The following CDH4 variants were observed in gnomAD, a reference collection of about 807,000 sequenced individuals.
CDH4 encodes the protein cadherin-4.
In CDH4, 33 loss-of-function variants were observed where a neutral mutation model predicts 86.0. That is an observed-to-expected ratio of 0.38 (90% CI 0.29 to 0.51). The LOEUF (loss-of-function observed/expected upper bound fraction) is 0.51. CDH4 is among the 20% of genes least tolerant of loss of function. The probability of loss-of-function intolerance (pLI) is 0.86; values close to 1 mark genes in which losing one functional copy is unlikely to be tolerated. For synonymous variants in CDH4, 555 were observed against 549.4 expected, an observed-to-expected ratio of 1.01 and a Z score of -0.14; for missense variants, 1,114 against 1,307.4, an observed-to-expected ratio of 0.85 and a Z score of 2.28.
At chr20:61,696,710 A>G (rs1568761599) in intron 2 of CDH4, among the ~76,000 whole-genome samples, 1 of 152,206 alleles carries the variant, frequency 6.6e-6, no homozygotes, top group South Asian at 2.1e-4. Context: ...ACTACCAGGG[A>G]GGTGGCAGAG....
At chr20:61,528,130 C>G (rs2085924210) in intron 2 of CDH4, among the ~76,000 whole-genome samples, 1 of 151,660 alleles carries the variant, frequency 6.6e-6, no homozygotes, top group African/African-American at 2.4e-5. Context: ...AATCCCAGCA[C>G]TTTGGGAGGC....
chr20:61,560,803 C>G (rs897820552), intron 2 of CDH4, among the ~76,000 whole-genome samples: 1 of 152,218 alleles, frequency 6.6e-6, no homozygotes, highest in African/African-American at 2.4e-5. Flanking sequence ...CTCAGTCTGT[C>G]CATCCGGGGA....
intron 3 of CDH4, among the ~76,000 whole-genome samples, chr20:61,762,552 C>T (rs1037052377): frequency 3.9e-5 from 6 of 152,208 alleles, no homozygotes; most frequent in Admixed American, 3.3e-4. Flanking sequence ...AAATATTCTT[C>T]TCTTCCTTGG....
intron 2 of CDH4, among the ~76,000 whole-genome samples, chr20:61,705,227 T>G (rs1313683880): frequency 6.6e-6 from 1 of 152,150 alleles, no homozygotes; most frequent in African/African-American, 2.4e-5. Context: ...CTGAGCTAAC[T>G]CAAGACCCCA....
intron 2 of CDH4, among the ~76,000 whole-genome samples, chr20:61,609,430 G>A (rs986221036): frequency 6.6e-6 from 1 of 151,912 alleles, no homozygotes; most frequent in Non-Finnish European, 1.5e-5. Flanking sequence ...ATCTGCAGAA[G>A]GTTGTTTTTT....
rs1162054920 is a variant in CDH4, at chr20:61,928,192, A to G, written c.1774A>G (p.Ile592Val). ...GGTGACCTGTGTCTGTTCCACAGGG[A>G]TACCCCCGGCCAGCGGCACCGGGAC... ...EATFLAADNG[I>V]PPASGTGTLQ... Residue 592 changes from isoleucine to valine, a missense_variant and splice_region_variant, in exon 12 of 16, where the codon ATA becomes GTA. Ile to Val is a conservative substitution (Grantham distance 29). Around this residue, in one of 3 missense-constraint regions of CDH4, gnomAD observed 705 missense variants for 914.1 expected, o/e 0.77. Coordinates refer to ENST00000614565, the MANE Select transcript of CDH4 (RefSeq NM_001794.5). The G allele has an allele frequency of 6.3e-7, 1 of 1,599,622 alleles. No individual in the cohort carries two copies. The highest frequency in any genetic ancestry group is 8.5e-7 in the Non-Finnish European group (1 of 1,179,562).
intron 2 of CDH4, among the ~76,000 whole-genome samples, chr20:61,288,754 G>A (rs955215748): frequency 2.0e-5 from 3 of 152,224 alleles, no homozygotes; most frequent in Non-Finnish European, 4.4e-5. Context: ...ACGCCTGCCC[G>A]GCGCTGACGT....
intron 6 of CDH4, among the ~76,000 whole-genome samples, chr20:61,853,937 C>T (rs138483187): frequency 8.7e-4 from 133 of 152,268 alleles, no homozygotes; most frequent in African/African-American, 2.9e-3. Context: ...AAGTACAAGA[C>T]ACCAAGTAAA....
At chr20:61,862,356 G>A (rs766843519) in intron 6 of CDH4, among the ~76,000 whole-genome samples, 5 of 152,224 alleles carry the variant, frequency 3.3e-5, no homozygotes, top group Admixed American at 6.5e-5. Context: ...CACCTCAGAC[G>A]TGTCCCAGCA....
At chr20:61,369,789 CAG>C (rs2084830348) in intron 2 of CDH4, 3 of 151,512 alleles carry the variant, frequency 2.0e-5, no homozygotes, top group South Asian at 4.2e-4. Context: ...GCACTTCAGA[CAG>C]GGGATCACAG....
chr20:61,459,998 A>G (rs1318423323), intron 2 of CDH4, among the ~76,000 whole-genome samples: 1 of 152,106 alleles, frequency 6.6e-6, no homozygotes, highest in Admixed American at 6.5e-5. Context: ...AACCAATGGC[A>G]GAGTGATGGG....
At chr20:61,541,491 T>A (rs2145656298) in intron 2 of CDH4, among the ~76,000 whole-genome samples, 1 of 152,360 alleles carries the variant, frequency 6.6e-6, no homozygotes, top group Non-Finnish European at 1.5e-5. Flanking sequence ...AAAGGACACA[T>A]GCTGTAGCCA....
At chr20:61,541,739 C>T (rs567683338) in intron 2 of CDH4, among the ~76,000 whole-genome samples, 19 of 152,302 alleles carry the variant, frequency 1.2e-4, no homozygotes, top group Middle Eastern at 3.4e-3. Context: ...TCACTTAATG[C>T]GTCTGTGAGC....
intron 11 of CDH4, among the ~76,000 whole-genome samples, chr20:61,926,313 C>T (rs1040040890): frequency 2.0e-5 from 3 of 152,340 alleles, no homozygotes; most frequent in Admixed American, 1.3e-4. Context: ...CTGGTCCGCT[C>T]TTGGAACGGC....
intron 4 of CDH4, among the ~76,000 whole-genome samples, chr20:61,835,803 T>C (rs1370194743): frequency 6.6e-6 from 1 of 152,198 alleles, no homozygotes; most frequent in Non-Finnish European, 1.5e-5. Context: ...TCTCTGTGGC[T>C]GAGGCCCAGC....
intron 2 of CDH4, among the ~76,000 whole-genome samples, chr20:61,640,237 C>A (rs563777283): frequency 6.6e-6 from 1 of 152,362 alleles, no homozygotes; most frequent in Admixed American, 6.5e-5. Flanking sequence ...AGCCTTGCGG[C>A]CTGGTGAGAC....
At chr20:61,579,136 C>G (rs974356785) in intron 2 of CDH4, among the ~76,000 whole-genome samples, 3 of 152,092 alleles carry the variant, frequency 2.0e-5, no homozygotes, top group Non-Finnish European at 2.9e-5. Flanking sequence ...AAAGGAAATC[C>G]AGGGTCCCAA....
At chr20:61,908,136 A>G (rs1267041538) in intron 8 of CDH4, among the ~76,000 whole-genome samples, 3 of 152,190 alleles carry the variant, frequency 2.0e-5, no homozygotes, top group Non-Finnish European at 4.4e-5. Context: ...ATACAGAGAA[A>G]GGACGCAGTG....
chr20:61,710,351 G>A (rs2145897504), intron 2 of CDH4, among the ~76,000 whole-genome samples: 1 of 152,310 alleles, frequency 6.6e-6, no homozygotes, highest in African/African-American at 2.4e-5. Context: ...CCAATGTGAA[G>A]GCATTGAGTG....
Sources: allele counts gnomAD v4.1 joint callset (sites outside exome capture counted in the v4.1 genomes callset), GRCh38; gene constraint gnomAD v4.1.1; regional missense constraint gnomAD v4.1.1; transcripts MANE v1.5; gene names NCBI Gene and HGNC (gene_info 2026-07-23, HGNC 2026-07-21).